Variants in GPANK1 observed in about 807,000 individuals in gnomAD.
The protein encoded by GPANK1 is G patch domain and ankyrin repeat-containing protein 1.
In GPANK1, 22 loss-of-function variants were observed where a neutral mutation model predicts 24.0. The ratio of observed to expected loss-of-function variants is 0.92; its 90% confidence interval spans 0.66 to 1.31. GPANK1 has a LOEUF of 1.31. Ranked by LOEUF, GPANK1 falls within the 50% of genes most tolerant of loss-of-function variation. GPANK1 has a pLI of 0.00. For synonymous variants in GPANK1, 174 were observed against 177.4 expected (o/e 0.98, Z 0.15); for missense variants, 469 against 453.5 (o/e 1.03, Z -0.31).
In GPANK1 at chr6:31,664,202, C is replaced by T. The variant is rs1299424236; in HGVS notation, c.277G>A (p.Gly93Arg). 4.0e-5 allele frequency: 65 copies of T among 1,614,068 alleles called. No individual in the cohort carries two copies. The highest frequency in any genetic ancestry group is 5.3e-5 in the Non-Finnish European group (63 of 1,179,998). ...TCAGCCTCAAGGGATCTCCCTTGTC[C>T]ATGTCTTCCTGATGCTCCTTCTGCC... is the stretch of plus-strand genomic sequence containing the variant. ...AVAEGASGRH[G>R]QGRSLEAEDK... The change falls in exon 2 of 3, where the codon GGA (glycine) becomes AGA (arginine). Residue 93 changes from glycine to arginine, a missense_variant. Transcript: ENST00000375896.
upstream of GPANK1, chr6:31,665,658 A>G (rs1801580082): frequency 1.2e-6 from 1 of 858,852 alleles, no homozygotes; most frequent in African/African-American, 1.7e-5. Flanking sequence ...TAGGGGCCCA[A>G]CAGGCAATAA....
At position 31,664,063 on chromosome 6, in the gene GPANK1, C is replaced by G. The variant is rs369750078; in HGVS notation, c.416G>C (p.Arg139Pro). Residue 139 changes from arginine to proline, a missense_variant, in exon 2 of 3, where the codon CGG becomes CCG. Transcript: ENST00000375896. ...AGGAGGNINA[R>P]DAFWWTPLMC... ...CAGTGGGGTCCACCAGAAGGCATCC[C>G]GGGCGTTGATATTCCCCCCAGCTCC... 231 of 1,614,200 alleles carry G rather than the reference C, an allele frequency of 1.4e-4. 5 individuals carry two copies. The South Asian group carries it at 2.0e-3, about 14-fold the overall frequency.
At chr6:31,665,886 C>G (rs925019398), upstream of GPANK1, 48 of 1,096,164 alleles carry the variant, frequency 4.4e-5, no homozygotes, top group Middle Eastern at 4.3e-4. Flanking sequence ...GGTGGCTTCT[C>G]GTTGTGCCCC....
At chr6:31,663,521 T>C in intron 2 of GPANK1, 1 of 308,836 alleles carries the variant, frequency 3.2e-6, no homozygotes, top group Non-Finnish European at 5.9e-6. Context: ...TGACTATAGC[T>C]AACATTCATG....
Position 31,662,575 on chromosome 6 carries a change from G to A in GPANK1, c.762C>T (p.Pro254=). The A allele has an allele frequency of 6.2e-7, 1 of 1,613,016 alleles. No individual in the cohort carries two copies. Among genetic ancestry groups the A allele is most frequent in the Non-Finnish European group, 8.5e-7 (1 of 1,179,990 alleles). Residue 254 remains proline, a synonymous_variant, in exon 3 of 3, where the codon CCC becomes CCT. Coordinates refer to ENST00000375896, the MANE Select transcript of GPANK1 (RefSeq NM_033177.4). This position sits in a 1 kb window ranked among gnomAD's most constrained non-coding sequence, Gnocchi z 5.5. ...PQPPNLPLGV[P]ISSPGFKLLL... is the part of the protein sequence containing the mutation. ...GCAGTTTGAAGCCCGGGCTGGAGATGGGCACCCCAAGTGGAAGGTTGGGAG... is the reference window on the plus strand; with the variant it reads ...GCAGTTTGAAGCCCGGGCTGGAGATAGGCACCCCAAGTGGAAGGTTGGGAG...
Position 31,662,328 on chromosome 6 carries a change from T to C in GPANK1, c.1009A>G (p.Arg337Gly). The C allele has an allele frequency of 6.2e-7, 1 of 1,600,822 alleles. No individual in the cohort carries two copies. The highest frequency in any genetic ancestry group is 1.1e-5 in the South Asian group (1 of 89,916). ...TCCCAAGCCCTGTCTTTCTCCTCCC[T>C]CCTTCTCTCCTCCCTCCAGCTCAGT... ...ATLSWREERR[R>G]EEKDRAWERD... Residue 337 changes from arginine (R) to glycine (G), a missense_variant, in exon 3 of 3, where the codon AGG becomes GGG. By Grantham distance (125) the Arg-to-Gly change is moderately radical. Transcript: ENST00000375896. The surrounding 1 kb of genome is among the most constrained non-coding windows in gnomAD (Gnocchi z 5.5).
chr6:31,664,063 C>CG lies in GPANK1; in HGVS notation c.415dup (p.Arg139ProfsTer36). 6.2e-7 allele frequency: 1 copy of CG among 1,614,202 alleles called. No individual in the cohort carries two copies. Among genetic ancestry groups the CG allele is most frequent in the Non-Finnish European group, 8.5e-7 (1 of 1,180,036 alleles). On this transcript the variant is annotated frameshift_variant, in exon 2 of 3. Coordinates refer to ENST00000375896, the MANE Select transcript of GPANK1 (RefSeq NM_033177.4). LOFTEE classifies it high-confidence loss of function. ...CAGTGGGGTCCACCAGAAGGCATCC[C>CG]GGGCGTTGATATTCCCCCCAGCTCC...
rs1407889604 is a variant in GPANK1, at chr6:31,664,276, C to T, written c.203G>A (p.Arg68Lys). The T allele has an allele frequency of 1.2e-6, 2 of 1,614,146 alleles. No individual in the cohort carries two copies. The highest frequency in any genetic ancestry group is 1.7e-6 in the Non-Finnish European group (2 of 1,180,000). Residue 68 changes from arginine (R) to lysine (K), a missense_variant, in exon 2 of 3, where the codon AGA becomes AAA. Physicochemically the swap from Arg to Lys is conservative, Grantham distance 26 (BLOSUM62 2). Transcript: ENST00000375896. Reference protein sequence around the residue: ...QRSQTEPARERKRKKRRIMKA... With the variant: ...QRSQTEPAREKKRKKRRIMKA... ...CATTATTCTTCTTTTCTTTCTCTTT[C>T]TTTCTCTGGCAGGTTCAGTCTGAGA...
chr6:31,665,218 C>A, upstream of GPANK1: 1 of 564,996 alleles, frequency 1.8e-6, no homozygotes, highest in Non-Finnish European at 3.2e-6. Flanking sequence ...CGGTTGGGGT[C>A]CTACTTTTAC....
At position 31,663,972 on chromosome 6, in the gene GPANK1, C is replaced by G. The variant is rs778575734; in HGVS notation, c.507G>C (p.Trp169Cys). 6.2e-7 allele frequency: 1 copy of G among 1,614,144 alleles called. No homozygotes were observed. Among genetic ancestry groups the G allele is most frequent in the Non-Finnish European group, 8.5e-7 (1 of 1,180,028 alleles). Reference sequence around the variant, plus strand: ...TGCCACTCAGCTCACAGACCCCCACCCAGGCAGCCCCACGGCCCAGGAGAT... The same window carrying G: ...TGCCACTCAGCTCACAGACCCCCACGCAGGCAGCCCCACGGCCCAGGAGAT... ...VSYLLGRGAA[W>C]VGVCELSGRD... is the part of the protein sequence containing the mutation. Residue 169 changes from tryptophan (W) to cysteine (C), a missense_variant, in exon 2 of 3, where the codon TGG becomes TGC. Trp to Cys is a radical substitution (Grantham distance 215, BLOSUM62 -2). Transcript: ENST00000375896.
At chr6:31,663,052 G>A (rs1001235811) in intron 2 of GPANK1, among the ~76,000 whole-genome samples, 1 of 145,566 alleles carries the variant, frequency 6.9e-6, no homozygotes, top group African/African-American at 2.6e-5. Context: ...CGATTCTCCT[G>A]CCTCAGCCTC....
rs149909172 is a variant in GPANK1 at position 31,664,281 on chromosome 6, T to C, written c.198A>G (p.Arg66=). The change falls in exon 2 of 3, where the codon AGA becomes AGG. Residue 66 remains arginine, a synonymous_variant. Transcript: ENST00000375896. ...DSQRSQTEPA[R]ERKRKKRRIM... is the part of the protein sequence containing the mutation. ...TTCTTCTTTTCTTTCTCTTTCTTTC[T>C]CTGGCAGGTTCAGTCTGAGATCTCT... 6.2e-7 allele frequency: 1 copy of C among 1,614,198 alleles called. No individual in the cohort carries two copies. The highest frequency in any genetic ancestry group is 8.5e-7 in the Non-Finnish European group (1 of 1,180,018).
At chr6:31,665,465 G>A (rs1344531350), upstream of GPANK1, 2 of 1,570,004 alleles carry the variant, frequency 1.3e-6, no homozygotes, top group South Asian at 1.2e-5. Context: ...AGTGCAAAGG[G>A]ACGAGCAGAA....
At chr6:31,663,104 C>T (rs1801114029) in intron 2 of GPANK1, among the ~76,000 whole-genome samples, 2 of 150,418 alleles carry the variant, frequency 1.3e-5, no homozygotes, top group Non-Finnish European at 2.9e-5. Context: ...CATGTCCCGG[C>T]AAAGCCTGCT....
chr6:31,663,788 G>A (rs1801221100), intron 2 of GPANK1, 65 bp downstream of exon 2: 1 of 1,519,198 alleles, frequency 6.6e-7, no homozygotes, highest in Admixed American at 2.3e-5. Context: ...GGGGCGTCTG[G>A]TGTGGTGTGG....
upstream of GPANK1, chr6:31,666,066 T>TC (rs1276010812): frequency 6.1e-6 from 6 of 991,248 alleles, 1 homozygote; most frequent in East Asian, 2.2e-4. Flanking sequence ...GTTGCCCTCT[T>TC]CCCCACCCTC....
At position 31,662,500 on chromosome 6, in the gene GPANK1, C is replaced by T; in HGVS notation, c.837G>A (p.Glu279=). The stretch of plus-strand genomic sequence containing the variant: ...CAGTGGGGATGGGATTGGCACGGCC[C>T]TCACCCCGGGGTCCCAGCCCCATTC... ...EPGMGLGPRG[E]GRANPIPTVL... Residue 279 remains glutamate (E), a synonymous_variant, in exon 3 of 3, where the codon GAG becomes GAA. Transcript: ENST00000375896. This position sits in a 1 kb window ranked among gnomAD's most constrained non-coding sequence, Gnocchi z 5.5. 6.2e-7 allele frequency: 1 copy of T among 1,612,300 alleles called. No homozygotes were observed.
upstream of GPANK1, chr6:31,665,129 A>C (rs182719562): frequency 4.3e-4 from 181 of 417,308 alleles, 1 homozygote; most frequent in Admixed American, 1.2e-3. Context: ...CTCCGGGTTC[A>C]GTTTCCCGCG....
At chr6:31,663,075 G>C (rs1218352490) in intron 2 of GPANK1, among the ~76,000 whole-genome samples, 2 of 151,552 alleles carry the variant, frequency 1.3e-5, no homozygotes, top group Non-Finnish European at 2.9e-5. Flanking sequence ...AAGTAGCCGG[G>C]ATTACAGGCA....
Sources: gnomAD v4.1 joint callset for allele counts (sites outside exome capture counted in the v4.1 genomes callset) on GRCh38, gnomAD v4.1.1 for gene constraint, Gnocchi (gnomAD v3.1) non-coding constraint, MANE v1.5 for transcripts, NCBI Gene and HGNC (gene_info 2026-07-23, HGNC 2026-07-21) for gene names.